The following ALOX15B variants were observed in gnomAD, a reference collection of about 807,000 sequenced individuals.
ALOX15B encodes the protein polyunsaturated fatty acid lipoxygenase ALOX15B.
In ALOX15B, 74 loss-of-function variants were observed where a neutral mutation model predicts 73.8. The ratio of observed to expected loss-of-function variants is 1.00; its 90% confidence interval spans 0.83 to 1.22. The LOEUF (loss-of-function observed/expected upper bound fraction) is 1.22. ALOX15B is among the 50% of genes most tolerant of loss of function. The pLI is 0.00. For synonymous variants in ALOX15B, 353 were observed against 357.2 expected (o/e 0.99, Z 0.13); for missense variants, 896 against 859.9 (o/e 1.04, Z -0.52).
At chr17:8,046,815 T>A in intron 9 of ALOX15B, 61 bp downstream of exon 9, 1 of 1,612,336 alleles carries the variant, frequency 6.2e-7, no homozygotes, top group East Asian at 2.2e-5. Context: ...GAATTTGAGG[T>A]CCTGGGGTAG....
chr17:8,039,948 C>A lies in ALOX15B; in HGVS notation c.414C>A (p.Arg138=). ...ADHHPVLQQQ[R]QEELQARQEM... ...ACCACCCTGTGCTCCAGCAACAGCG[C>A]CAGGAGGAGCTTCAGGCCCGGCAGG... is the stretch of plus-strand genomic sequence containing the variant. Residue 138 remains arginine, a synonymous_variant, in exon 3 of 14, where the codon CGC becomes CGA. Transcript: ENST00000380183. 6.2e-7 allele frequency: 1 copy of A among 1,613,414 alleles called. No homozygotes were observed.
In ALOX15B at chr17:8,047,059, C is replaced by T. The variant is rs11541083; in HGVS notation, c.1440C>T (p.Ile480=). The T allele has an allele frequency of 0.32, 523,068 of 1,613,352 alleles. 88,227 individuals carry two copies. Among genetic ancestry groups the T allele is most frequent in the Admixed American group, 0.46 (27,305 of 59,934 alleles). Residue 480 remains isoleucine, a synonymous_variant, in exon 10 of 14, where the codon ATC becomes ATT. Coordinates refer to ENST00000380183, the MANE Select transcript of ALOX15B (RefSeq NM_001141.3). Reference sequence around the variant, plus strand: ...ACTACCGTGATGATGGGATGCAGATCTGGGGTGCAGTGGAACGGTGAGGGG... The same window carrying T: ...ACTACCGTGATGATGGGATGCAGATTTGGGGTGCAGTGGAACGGTGAGGGG... ...GYYYRDDGMQ[I]WGAVERFVSE... is the part of the protein sequence containing the mutation.
intron 6 of ALOX15B, 66 bp from the exon 7 acceptor site, chr17:8,045,172 T>A: frequency 6.2e-7 from 1 of 1,610,618 alleles, no homozygotes; most frequent in South Asian, 1.1e-5. Context: ...ATCCTCTCCC[T>A]TCTACAACTG....
rs773912550 is a variant in ALOX15B at position 8,039,539 on chromosome 17, C to T, written c.301C>T (p.His101Tyr). Residue 101 changes from histidine to tyrosine, a missense_variant, in exon 2 of 14, where the codon CAC becomes TAC. Physicochemically the swap from His to Tyr is moderately conservative, Grantham distance 83. Transcript: ENST00000380183. ...CCAGCTGACACCGCCGCGGGGCGGC[C>T]ACCTCCTCTTCCCCTGCTACCAGTG... is the stretch of plus-strand genomic sequence containing the variant. Reference protein sequence around the residue: ...WFQLTPPRGGHLLFPCYQWLE... With the variant: ...WFQLTPPRGGYLLFPCYQWLE... The T allele has an allele frequency of 3.2e-6, 5 of 1,545,926 alleles. No homozygotes were observed. The highest frequency in any genetic ancestry group is 1.8e-4 in the Middle Eastern group (1 of 5,414).
intron 8 of ALOX15B, among the ~76,000 whole-genome samples, chr17:8,046,221 G>A (rs570372285): frequency 9.9e-5 from 15 of 152,282 alleles, no homozygotes; most frequent in South Asian, 4.1e-4. Context: ...TCCCAGATGC[G>A]GGCCCTACTC....
intron 8 of ALOX15B, 43 bp from the exon 9 acceptor site, chr17:8,046,625 C>G: frequency 1.3e-6 from 2 of 1,586,100 alleles, no homozygotes; most frequent in Non-Finnish European, 1.7e-6. Context: ...GGGGCCAGAA[C>G]AACCCAGGCC....
chr17:8,039,969 G>A lies in ALOX15B; in HGVS notation c.435G>A (p.Arg145=). 2 of 1,613,638 alleles carry A rather than the reference G, an allele frequency of 1.2e-6. No individual in the cohort carries two copies. The highest frequency in any genetic ancestry group is 1.7e-6 in the Non-Finnish European group (2 of 1,179,780). ...QQQRQEELQA[R]QEMYQWKAYN... ...AGCGCCAGGAGGAGCTTCAGGCCCGGCAGGAGATGTACCAGTGAGGAGGGG... is the reference window on the plus strand; with the variant it reads ...AGCGCCAGGAGGAGCTTCAGGCCCGACAGGAGATGTACCAGTGAGGAGGGG... The change falls in exon 3 of 14, where the codon CGG becomes CGA. Residue 145 remains arginine, a synonymous_variant. Transcript: ENST00000380183.
intron 5 of ALOX15B, among the ~76,000 whole-genome samples, chr17:8,044,592 A>C (rs978616484): frequency 1.3e-5 from 2 of 151,956 alleles, no homozygotes; most frequent in Non-Finnish European, 2.9e-5. Context: ...GAGGCTAGTG[A>C]GTTATTCAGG....
intron 8 of ALOX15B, 131 bp downstream of exon 8, chr17:8,045,817 G>A: frequency 1.0e-6 from 1 of 988,108 alleles, no homozygotes; most frequent in Non-Finnish European, 1.5e-6. Flanking sequence ...AGCATCTCCT[G>A]GCACAACTCC....
chr17:8,040,406 A>G (rs897636388), intron 3 of ALOX15B, among the ~76,000 whole-genome samples: 2 of 151,786 alleles, frequency 1.3e-5, no homozygotes, highest in Admixed American at 1.3e-4. Flanking sequence ...TCAGCTGGGT[A>G]GGGTGGCGGG....
chr17:8,042,653 A>G, intron 4 of ALOX15B, 128 bp from the exon 5 acceptor site: 1 of 1,324,014 alleles, frequency 7.6e-7, no homozygotes, highest in Non-Finnish European at 1.0e-6. Flanking sequence ...AGCAACAGCT[A>G]CCTTAGGGGT....
Position 8,045,229 on chromosome 17 carries a change from C to G in ALOX15B, c.850-9C>G. On this transcript the variant is annotated splice_polypyrimidine_tract_variant and intron_variant, in intron 6 of 13. Transcript: ENST00000380183. ...CAGGTGGCAGCCCCAGATCTCCTTT[C>G]TTCTGCAGAAGGGCTCCCTGTTCTT... 6.2e-7 allele frequency: 1 copy of G among 1,614,088 alleles called. No individual in the cohort carries two copies. The highest frequency in any genetic ancestry group is 2.2e-5 in the East Asian group (1 of 44,884).
At chr17:8,040,937 A>G (rs1462248337) in intron 3 of ALOX15B, among the ~76,000 whole-genome samples, 1 of 152,260 alleles carries the variant, frequency 6.6e-6, no homozygotes, top group Non-Finnish European at 1.5e-5. Context: ...GCACAAAGCC[A>G]GGAACTGCAT....
At position 8,048,731 on chromosome 17, in the gene ALOX15B, C is replaced by A; in HGVS notation, c.*166C>A. 1 of 655,574 alleles carries A rather than the reference C, an allele frequency of 1.5e-6. No individual in the cohort carries two copies. Among genetic ancestry groups the A allele is most frequent in the Non-Finnish European group, 2.4e-6 (1 of 411,972 alleles). 40.6% of individuals were successfully genotyped at this position (655,574 alleles called of 1,614,324 possible). A position where few individuals can be genotyped will look rare whatever the true frequency, so the allele number is the denominator to read the frequency against. The stretch of plus-strand genomic sequence containing the variant: ...CCACCACCATACACACACACAAAAA[C>A]AGAAACAAAATCAAAACAGAGAAAG... On this transcript the variant is annotated 3_prime_UTR_variant, in exon 14 of 14. Transcript: ENST00000380183.
chr17:8,047,702 G>GT, intron 12 of ALOX15B, 38 bp downstream of exon 12: 1 of 1,613,832 alleles, frequency 6.2e-7, no homozygotes, highest in Non-Finnish European at 8.5e-7. Flanking sequence ...CAGGCTGGAG[G>GT]TGACCCAGCT....
chr17:8,048,896 G>A lies in ALOX15B; in HGVS notation c.*331G>A. 4.8e-6 allele frequency: 1 copy of A among 207,900 alleles called. No homozygotes were observed. The highest frequency in any genetic ancestry group is 5.4e-5 in the Admixed American group (1 of 18,586). 12.9% of individuals were successfully genotyped at this position (207,900 alleles called of 1,614,324 possible). ...TTGCGTTTTACAGCCGTGGGGGGAAGCACATAATCCCGCCCCAGGGCCCAC... is the reference window on the plus strand; with the variant it reads ...TTGCGTTTTACAGCCGTGGGGGGAAACACATAATCCCGCCCCAGGGCCCAC... On this transcript the variant is annotated 3_prime_UTR_variant, in exon 14 of 14. Transcript: ENST00000380183.
Position 8,043,327 on chromosome 17 carries a change from G to C in ALOX15B, c.676+443G>C, listed in dbSNP as rs74686985. Reference sequence around the variant, plus strand: ...ATGCTGAGACCTCAAAGTTCAGTAGGCCTTAGCAGTGCCAAGGATGGGCCG... The same window carrying C: ...ATGCTGAGACCTCAAAGTTCAGTAGCCCTTAGCAGTGCCAAGGATGGGCCG... On this transcript the variant is annotated intron_variant, in intron 5 of 13. Transcript: ENST00000380183. Among the ~76,000 whole-genome samples, 1,515 of 152,322 alleles carry C rather than the reference G, an allele frequency of 9.9e-3. 24 individuals carry two copies. The highest frequency in any genetic ancestry group is 0.035 in the African/African-American group (1,442 of 41,556).
rs923178632 is a variant in ALOX15B, at chr17:8,048,887, TG to T, written c.*328del. Reference sequence around the variant, plus strand: ...GGTTTTGTTTTGCGTTTTACAGCCGTGGGGGGAAGCACATAATCCCGCCCCA... The same window carrying T: ...GGTTTTGTTTTGCGTTTTACAGCCGTGGGGGAAGCACATAATCCCGCCCCA... On this transcript the variant is annotated 3_prime_UTR_variant, in exon 14 of 14. Coordinates refer to ENST00000380183, the MANE Select transcript of ALOX15B (RefSeq NM_001141.3). 9.1e-6 allele frequency: 2 copies of T among 219,074 alleles called. No homozygotes were observed. The highest frequency in any genetic ancestry group is 1.1e-4 in the Admixed American group (2 of 18,982). The allele number at this position is 219,074 out of a possible 1,614,324, so 13.6% of individuals were successfully genotyped here. A position where few individuals can be genotyped will look rare whatever the true frequency, so the allele number is the denominator to read the frequency against.
chr17:8,042,844 G>A lies in ALOX15B; in HGVS notation c.636G>A (p.Glu212=). The A allele has an allele frequency of 1.3e-6, 2 of 1,556,804 alleles. No homozygotes were observed. Among genetic ancestry groups the A allele is most frequent in the Non-Finnish European group, 1.7e-6 (2 of 1,149,820 alleles). Residue 212 remains glutamate (E), a synonymous_variant, in exon 5 of 14, where the codon GAG becomes GAA. Coordinates refer to ENST00000380183, the MANE Select transcript of ALOX15B (RefSeq NM_001141.3). Reference sequence around the variant, plus strand: ...AGGGGCTCTGGAGGAGTCTGAATGAGATGAAAAGGATCTTCAACTTCCGGA... The same window carrying A: ...AGGGGCTCTGGAGGAGTCTGAATGAAATGAAAAGGATCTTCAACTTCCGGA... ...DRKGLWRSLN[E]MKRIFNFRRT...
Sources: gnomAD v4.1 joint callset for allele counts (sites outside exome capture counted in the v4.1 genomes callset) on GRCh38, gnomAD v4.1.1 for gene constraint, MANE v1.5 for transcripts, NCBI Gene and HGNC (gene_info 2026-07-23, HGNC 2026-07-21) for gene names.